Variants in CCNI observed in about 807,000 individuals in gnomAD.
CCNI encodes cyclin I.
CCNI carries 14 observed loss-of-function variants against 34.1 expected under a neutral mutation model. The ratio of observed to expected loss-of-function variants is 0.41; its 90% CI spans 0.27 to 0.64. The LOEUF is 0.64. Among genes scored for constraint, CCNI ranks in the 30% least tolerant of loss-of-function variants. CCNI has a pLI of 0.31. For synonymous variants in CCNI, 154 were observed against 158.4 expected, an observed-to-expected ratio of 0.97 and a Z score of 0.21; for missense variants, 385 against 440.5, an observed-to-expected ratio of 0.87 and a Z score of 1.13.
chr4:77,055,271 G>A lies in CCNI; in HGVS notation c.569C>T (p.Ala190Val), dbSNP rs200536234. ...VLTKQLLHCM[A>V]CNQLLQFRGS... ...TCTGAATTGCAGAAGTTGGTTGCAG[G>A]CCATACAGTGAAGTAGTTGCTTGGT... The change falls in exon 6 of 7, where the codon GCC becomes GTC. Residue 190 changes from alanine (A) to valine (V), a missense_variant. Coordinates refer to ENST00000237654, the MANE Select transcript of CCNI (RefSeq NM_006835.3). 2.5e-6 allele frequency: 4 copies of A among 1,614,024 alleles called. No individual in the cohort carries two copies. The East Asian group carries it at 8.9e-5, about 36-fold the overall frequency.
At chr4:77,069,120 A>G (rs529058064) in intron 1 of CCNI, among the ~76,000 whole-genome samples, 1 of 152,276 alleles carries the variant, frequency 6.6e-6, no homozygotes, top group Non-Finnish European at 1.5e-5. Context: ...CTCCCCAACT[A>G]CGTTATAAAT....
chr4:77,072,554 G>GT (rs1161415289), intron 1 of CCNI, among the ~76,000 whole-genome samples: 2 of 146,454 alleles, frequency 1.4e-5, no homozygotes, highest in African/African-American at 2.5e-5. Flanking sequence ...GGAGGATTAC[G>GT]TAAGCCCAGG....
Position 77,067,718 on chromosome 4 carries a change from C to T in CCNI, c.-43-1313G>A, listed in dbSNP as rs368912814. The stretch of plus-strand genomic sequence containing the variant: ...AGTTTTGCTATGTTGCCCAGCCTCA[C>T]GCAGTCCTCCTGGCTTGGCCTCCCA... On this transcript the variant is annotated intron_variant, in intron 1 of 6. Transcript: ENST00000237654. 6.9e-4 allele frequency among the ~76,000 whole-genome samples: 98 copies of T among 141,036 alleles called. 2 individuals are homozygous for T. Among genetic ancestry groups the T allele is most frequent in the African/African-American group, 2.2e-3 (83 of 37,182 alleles). 92.5% of individuals were successfully genotyped at this position (141,036 alleles called of 152,430 possible). A position where few individuals can be genotyped will look rare whatever the true frequency, so the allele number is the denominator to read the frequency against.
chr4:77,075,549 G>T lies in CCNI; in HGVS notation c.-121C>A. 1.0e-6 allele frequency: 1 copy of T among 988,622 alleles called. No individual in the cohort carries two copies. Among genetic ancestry groups the T allele is most frequent in the Non-Finnish European group, 1.2e-6 (1 of 830,742 alleles). The allele number at this position is 988,622 out of a possible 1,614,324, so 61.2% of individuals were successfully genotyped here. ...CAGTGGTGACGCGGGGTCATCCGGG[G>T]GCCCGTTACCACCTCATTCTCATAG... On this transcript the variant is annotated 5_prime_UTR_variant, in exon 1 of 7. Transcript: ENST00000237654.
rs1479298671 is a variant in CCNI, at chr4:77,055,375, A to C, written c.465T>G (p.His155Gln). ...ATPLDFLHIF[H>Q]AIAVSTRPQL... ...GAGGCCTAGTTGACACTGCAATGGC[A>C]TGGAACTGAAAATCACAAGAACATC... is the stretch of plus-strand genomic sequence containing the variant. Residue 155 changes from histidine to glutamine, a missense_variant, in exon 6 of 7, where the codon CAT becomes CAG. Around this residue, in one of 2 missense-constraint regions of CCNI, gnomAD observed 135 missense variants for 191.8 expected, o/e 0.70. Coordinates refer to ENST00000237654, the MANE Select transcript of CCNI (RefSeq NM_006835.3). 1.2e-6 allele frequency: 2 copies of C among 1,605,168 alleles called. No individual in the cohort carries two copies. Among genetic ancestry groups the C allele is most frequent in the South Asian group, 1.1e-5 (1 of 90,682 alleles).
chr4:77,065,015 C>A (rs1478187484), intron 2 of CCNI: 1 of 152,110 alleles, frequency 6.6e-6, no homozygotes, highest in Non-Finnish European at 1.5e-5. Context: ...AAGTCTTGAG[C>A]AAATTGGGAC....
chr4:77,050,425 C>T (rs1024019392), intron 6 of CCNI, among the ~76,000 whole-genome samples: 1 of 152,036 alleles, frequency 6.6e-6, no homozygotes, highest in East Asian at 1.9e-4. Flanking sequence ...ATTTTTATCT[C>T]TAAATACATT....
chr4:77,057,278 CATT>C (rs1307142554), intron 3 of CCNI, among the ~76,000 whole-genome samples: 9 of 152,132 alleles, frequency 5.9e-5, no homozygotes, highest in African/African-American at 1.4e-4. Flanking sequence ...TTAGTGAACA[CATT>C]GTTGTAGTTT....
chr4:77,056,370 A>C (rs1728231107), intron 3 of CCNI, 47 bp from the exon 4 acceptor site: 2 of 1,417,846 alleles, frequency 1.4e-6, no homozygotes, highest in Non-Finnish European at 2.0e-6. Context: ...TTTTTCAAAA[A>C]CAATTTAACT....
At chr4:77,062,329 G>C (rs965694902) in intron 2 of CCNI, among the ~76,000 whole-genome samples, 2 of 152,150 alleles carry the variant, frequency 1.3e-5, no homozygotes, top group Admixed American at 1.3e-4. Flanking sequence ...TACTGTAGGG[G>C]GCCAAGGCAG....
rs1418845368 is a variant in CCNI at position 77,058,718 on chromosome 4, TTAGG to T, written c.115-87_115-84del. 3 of 1,176,710 alleles carry T rather than the reference TTAGG, an allele frequency of 2.5e-6. No individual in the cohort carries two copies. The African/African-American group carries it at 4.6e-5, about 18-fold the overall frequency. 72.9% of individuals were successfully genotyped at this position (1,176,710 alleles called of 1,614,324 possible). Reference sequence around the variant, plus strand: ...GTTTAGAATTCTCTCTCATAAAAGGTTAGGTAATACTACAAAATATATTTAAAAA... The same window carrying T: ...GTTTAGAATTCTCTCTCATAAAAGGTTAATACTACAAAATATATTTAAAAA... On this transcript the variant is annotated intron_variant, in intron 2 of 6. Transcript: ENST00000237654.
chr4:77,050,170 C>G (rs955766288), intron 6 of CCNI, among the ~76,000 whole-genome samples: 2 of 152,156 alleles, frequency 1.3e-5, no homozygotes, highest in African/African-American at 4.8e-5. Context: ...CTTATTTCTA[C>G]CTGTTGAAAT....
chr4:77,048,792 T>C (rs1727630701), intron 6 of CCNI, 130 bp from the exon 7 acceptor site: 3 of 517,624 alleles, frequency 5.8e-6, no homozygotes, highest in Non-Finnish European at 9.9e-6. Flanking sequence ...TCCCCACATC[T>C]ACCTCCAACT....
rs141511354 is a variant in CCNI at position 77,072,298 on chromosome 4, A to C, written c.-44+3174T>G. Among the ~76,000 whole-genome samples the C allele has an allele frequency of 2.7e-4, 41 of 151,970 alleles. No individual in the cohort carries two copies. The East Asian group carries it at 7.9e-3, about 29-fold the overall frequency. On this transcript the variant is annotated intron_variant, in intron 1 of 6. Coordinates refer to ENST00000237654, the MANE Select transcript of CCNI (RefSeq NM_006835.3). ...AAGCTAACAAAGAAAAAGTAAAACG[A>C]GGTAAAATTTCCTTAAACTTTTAAA...
chr4:77,053,355 C>T (rs1405239741), intron 6 of CCNI, among the ~76,000 whole-genome samples: 1 of 152,208 alleles, frequency 6.6e-6, no homozygotes, highest in Non-Finnish European at 1.5e-5. Context: ...CAGTTCCCTA[C>T]ACCAGAGCTA....
intron 3 of CCNI, chr4:77,056,612 C>T (rs4252890): frequency 1.8e-5 from 4 of 218,756 alleles, no homozygotes; most frequent in African/African-American, 8.5e-5. Context: ...TTTTTTGAGA[C>T]GGAGTCTTGG....
chr4:77,066,533 A>G, intron 1 of CCNI, 128 bp from the exon 2 acceptor site: 1 of 610,460 alleles, frequency 1.6e-6, no homozygotes, highest in East Asian at 3.1e-5. Flanking sequence ...TAGCTCTTTA[A>G]AATATCGTAT....
At chr4:77,063,037 C>A (rs1728724691) in intron 2 of CCNI, among the ~76,000 whole-genome samples, 2 of 152,206 alleles carry the variant, frequency 1.3e-5, no homozygotes, top group African/African-American at 4.8e-5. Flanking sequence ...AGTCAAATCA[C>A]CAGAAAATTA....
At chr4:77,063,233 G>C (rs2109824081) in intron 2 of CCNI, among the ~76,000 whole-genome samples, 1 of 151,124 alleles carries the variant, frequency 6.6e-6, no homozygotes, top group African/African-American at 2.4e-5. Flanking sequence ...AAGTTAGAAG[G>C]AAACTGGAGG....
Sources: allele counts gnomAD v4.1 joint callset (sites outside exome capture counted in the v4.1 genomes callset), GRCh38; gene constraint gnomAD v4.1.1; regional missense constraint gnomAD v4.1.1; transcripts MANE v1.5; gene names NCBI Gene and HGNC (gene_info 2026-07-23, HGNC 2026-07-21).